Variants in PSME4 observed in about 807,000 individuals in gnomAD.
PSME4 encodes the protein proteasome activator complex subunit 4.
In PSME4, 89 loss-of-function variants were observed where a neutral mutation model predicts 253.9. The ratio of observed to expected loss-of-function variants is 0.35; its 90% confidence interval spans 0.30 to 0.42. The LOEUF (loss-of-function observed/expected upper bound fraction) is 0.42. Among genes scored for constraint, PSME4 ranks in the 10% least tolerant of loss-of-function variants. The pLI, the probability that PSME4 is intolerant of heterozygous loss-of-function variation, is 1.00. For missense variants in PSME4, 2,014 were observed against 2,195.2 expected (o/e 0.92, Z 1.65); for synonymous variants, 851 against 759.2 (o/e 1.12, Z -1.99).
intron 9 of PSME4, 74 bp from the exon 10 acceptor site, chr2:53,932,174 T>C (rs76043348): frequency 2.5e-5 from 34 of 1,364,544 alleles, no homozygotes; most frequent in Non-Finnish European, 3.1e-5. Context: ...GCTCTCTAGC[T>C]TCTTGAGAAA....
At chr2:53,945,578 A>T (rs1669663404) in intron 3 of PSME4, among the ~76,000 whole-genome samples, 1 of 152,192 alleles carries the variant, frequency 6.6e-6, no homozygotes, top group Admixed American at 6.5e-5. Flanking sequence ...GAGGAAGGGA[A>T]GAGAGGAAAG....
chr2:53,970,288 C>A (rs963691111), intron 1 of PSME4, among the ~76,000 whole-genome samples: 5 of 152,188 alleles, frequency 3.3e-5, no homozygotes, highest in Non-Finnish European at 5.9e-5. Context: ...AAGACAACAA[C>A]CCGAACACTT....
intron 37 of PSME4, 135 bp from the exon 38 acceptor site, chr2:53,888,947 T>G (rs1219872065): frequency 1.1e-5 from 7 of 647,944 alleles, no homozygotes; most frequent in Non-Finnish European, 1.5e-5. Context: ...TGAAGTGGTA[T>G]GATTGCCTCC....
At chr2:53,866,720 G>A (rs112916485) in intron 45 of PSME4, 27 bp downstream of exon 45, 134 of 1,598,284 alleles carry the variant, frequency 8.4e-5, no homozygotes, top group African/African-American at 1.5e-4. Flanking sequence ...GATAATACAC[G>A]TACAAACTAA....
chr2:53,865,983 C>T, intron 46 of PSME4, 102 bp downstream of exon 46: 1 of 1,231,638 alleles, frequency 8.1e-7, no homozygotes, highest in Non-Finnish European at 1.1e-6. Context: ...CCAACTTTAT[C>T]TAAACACTGA....
In PSME4 at chr2:53,895,714, T is replaced by G. The variant is rs749516780; in HGVS notation, c.3711A>C (p.Gln1237His). Reference sequence around the variant, plus strand: ...TATCAGGCCTATCACCAGCAATAATTTGGGTGGGTTTAGGGCATCCACCTA... The same window carrying G: ...TATCAGGCCTATCACCAGCAATAATGTGGGTGGGTTTAGGGCATCCACCTA... Reference protein sequence around the residue: ...CEISGCPKPTQIIAGDRPDNH... With the variant: ...CEISGCPKPTHIIAGDRPDNH... The change falls in exon 33 of 47, where the codon CAA becomes CAC. Residue 1237 changes from glutamine to histidine, a missense_variant. Gln to His is a conservative substitution (Grantham distance 24, BLOSUM62 0). This residue lies in a region of PSME4 where 989 missense variants were observed against 1,021.1 expected (regional missense o/e 0.97). Transcript: ENST00000404125. 1.2e-6 allele frequency: 2 copies of G among 1,611,368 alleles called. No homozygotes were observed. Among genetic ancestry groups the G allele is most frequent in the African/African-American group, 2.7e-5 (2 of 74,918 alleles).
chr2:53,896,379 T>C (rs905440751), intron 32 of PSME4, among the ~76,000 whole-genome samples: 11 of 152,132 alleles, frequency 7.2e-5, no homozygotes, highest in Admixed American at 2.6e-4. Flanking sequence ...TACCATACAA[T>C]TTAAATGCAA....
chr2:53,967,641 G>A (rs1670803202), intron 1 of PSME4, among the ~76,000 whole-genome samples: 1 of 56,208 alleles, frequency 1.8e-5, no homozygotes, highest in African/African-American at 6.5e-5. Context: ...AACAGAGTGA[G>A]ATTGTCTCAA....
At position 53,919,230 on chromosome 2, in the gene PSME4, T is replaced by C; in HGVS notation, c.2437A>G (p.Ser813Gly). Residue 813 changes from serine (S) to glycine (G), a missense_variant, in exon 20 of 47, where the codon AGT becomes GGT. Physicochemically the swap from Ser to Gly is moderately conservative, Grantham distance 56 (BLOSUM62 0). Coordinates refer to ENST00000404125, the MANE Select transcript of PSME4 (RefSeq NM_014614.3). ...LEMSRDDILQ[S>G]LTIVHNCLIG... ...AAACAGTTGTGCACTATAGTCAGACTCTGTAGAATATCATCTCTAGAAAAA... is the reference window on the plus strand; with the variant it reads ...AAACAGTTGTGCACTATAGTCAGACCCTGTAGAATATCATCTCTAGAAAAA... The C allele has an allele frequency of 6.3e-7, 1 of 1,590,410 alleles. No homozygotes were observed.
chr2:53,908,689 T>C (rs1293087306), intron 22 of PSME4, 95 bp downstream of exon 22: 6 of 1,442,728 alleles, frequency 4.2e-6, no homozygotes, highest in East Asian at 4.6e-5. Context: ...CCATTTAGAA[T>C]AAAAAACATT....
chr2:53,940,974 T>TTTAA (rs1558414001), intron 3 of PSME4, among the ~76,000 whole-genome samples: 7 of 62,630 alleles, frequency 1.1e-4, no homozygotes, highest in Non-Finnish European at 1.9e-4. Context: ...TATATATATA[T>TTTAA]ATATATATAT....
At chr2:53,919,303 T>C in intron 19 of PSME4, 57 bp from the exon 20 acceptor site, 1 of 1,509,926 alleles carries the variant, frequency 6.6e-7, no homozygotes, top group South Asian at 1.3e-5. Flanking sequence ...ATAAGCCTGC[T>C]AGAGCCTAGC....
At chr2:53,881,632 C>A (rs1288785870) in intron 41 of PSME4, 4 of 151,718 alleles carry the variant, frequency 2.6e-5, no homozygotes, top group Non-Finnish European at 5.9e-5. Flanking sequence ...TGTCTCCCAG[C>A]TGGAGCACAG....
At chr2:53,886,703 A>C (rs564526500) in intron 40 of PSME4, among the ~76,000 whole-genome samples, 1 of 152,196 alleles carries the variant, frequency 6.6e-6, no homozygotes, top group Non-Finnish European at 1.5e-5. Context: ...TTCTAGGTAC[A>C]TACCCTAAAG....
intron 3 of PSME4, among the ~76,000 whole-genome samples, chr2:53,945,106 T>G (rs1669640949): frequency 6.6e-6 from 1 of 152,118 alleles, no homozygotes; most frequent in Non-Finnish European, 1.5e-5. Context: ...ATAAACAAAT[T>G]TATACACATA....
intron 20 of PSME4, among the ~76,000 whole-genome samples, chr2:53,911,311 T>G (rs568852190): frequency 2.5e-4 from 38 of 152,286 alleles, no homozygotes; most frequent in African/African-American, 8.7e-4. Context: ...TATTGTATAT[T>G]AATAGTATCA....
intron 3 of PSME4, among the ~76,000 whole-genome samples, chr2:53,947,940 C>T (rs1185845517): frequency 3.3e-5 from 5 of 151,904 alleles, no homozygotes; most frequent in South Asian, 4.1e-4. Flanking sequence ...CACTTGAACC[C>T]GGGAAGTGGA....
At chr2:53,932,482 C>T (rs931626024) in intron 9 of PSME4, among the ~76,000 whole-genome samples, 186 bp downstream of exon 9, 4 of 152,140 alleles carry the variant, frequency 2.6e-5, no homozygotes, top group African/African-American at 9.7e-5. Context: ...ACAGTTACCA[C>T]ATCAATATTA....
chr2:53,966,872 T>C (rs1670763615), intron 1 of PSME4, among the ~76,000 whole-genome samples: 1 of 152,114 alleles, frequency 6.6e-6, no homozygotes, highest in Non-Finnish European at 1.5e-5. Flanking sequence ...GCTAATTTTC[T>C]TAATTTTAGT....
Sources: gnomAD v4.1 joint callset for allele counts (sites outside exome capture counted in the v4.1 genomes callset) on GRCh38, gnomAD v4.1.1 for gene constraint, gnomAD v4.1.1 regional missense constraint, MANE v1.5 for transcripts, NCBI Gene and HGNC (gene_info 2026-07-23, HGNC 2026-07-21) for gene names.